CYTH3: variants seen among roughly 807,000 people sequenced by gnomAD.
CYTH3 encodes cytohesin-3.
In CYTH3, 23 loss-of-function variants were observed where a neutral mutation model predicts 55.1. The observed-to-expected ratio is 0.42, with a 90% CI of 0.30 to 0.59. The LOEUF is 0.59. CYTH3 is among the 20% of genes least tolerant of loss of function. The pLI, the probability that CYTH3 is intolerant of heterozygous loss-of-function variation, is 0.20. For synonymous variants in CYTH3, 249 were observed against 194.9 expected (o/e 1.28, Z -2.31); for missense variants, 413 against 524.8 (o/e 0.79, Z 2.08).
At chr7:6,263,561 C>T (rs113112792) in intron 1 of CYTH3, among the ~76,000 whole-genome samples, 2,787 of 152,166 alleles carry the variant, frequency 0.018, 86 homozygotes, top group African/African-American at 0.064. Context: ...TTTGGAAGGC[C>T]GAGGCAGGCG....
At chr7:6,211,819 C>G (rs1018244759) in intron 1 of CYTH3, among the ~76,000 whole-genome samples, 3 of 151,868 alleles carry the variant, frequency 2.0e-5, no homozygotes, top group African/African-American at 7.3e-5. Context: ...CAAAATGTCT[C>G]TACTAAAAAT....
chr7:6,259,815 T>TATA (rs1780295571), intron 1 of CYTH3, among the ~76,000 whole-genome samples: 11 of 26,106 alleles, frequency 4.2e-4, no homozygotes, highest in Non-Finnish European at 5.2e-4. Flanking sequence ...ATATATATAA[T>TATA]ATATATATAT....
chr7:6,195,291 GAC>G (rs1783897685), intron 1 of CYTH3, among the ~76,000 whole-genome samples: 1 of 152,190 alleles, frequency 6.6e-6, no homozygotes, highest in South Asian at 2.1e-4. Context: ...TTTGCAAAAA[GAC>G]ACTATTTTCT....
chr7:6,190,556 CTACTT>C (rs1783777056), intron 1 of CYTH3, 25 bp from the exon 2 acceptor site: 1 of 1,470,434 alleles, frequency 6.8e-7, no homozygotes, highest in South Asian at 1.3e-5. Flanking sequence ...AAATAATTAA[CTACTT>C]TGGAGAACAC....
intron 1 of CYTH3, among the ~76,000 whole-genome samples, chr7:6,220,061 A>G (rs936652190): frequency 1.3e-5 from 2 of 148,578 alleles, no homozygotes; most frequent in African/African-American, 4.9e-5. Context: ...TAATTTTTGT[A>G]TTTTTTTTTT....
intron 4 of CYTH3, among the ~76,000 whole-genome samples, chr7:6,179,549 G>A (rs940945887): frequency 2.6e-5 from 4 of 151,596 alleles, no homozygotes; most frequent in Admixed American, 6.6e-5. Flanking sequence ...TGTATCTGGT[G>A]ATGGTACCCA....
Position 6,272,490 on chromosome 7 carries a change from G to A in CYTH3, c.18C>T (p.Gly6=). The A allele has an allele frequency of 2.2e-6, 3 of 1,358,650 alleles. No individual in the cohort carries two copies. Among genetic ancestry groups the A allele is most frequent in the Non-Finnish European group, 2.9e-6 (3 of 1,045,600 alleles). The allele number at this position is 1,358,650 out of a possible 1,614,324, so 84.2% of individuals were successfully genotyped here. MDEDG[G]GEGGGVPEDL... is the part of the protein sequence containing the mutation. ...GACACTCACCGCCACCACCCTCGCC[G>A]CCGCCGTCTTCATCCATCTTGAGGC... Residue 6 remains glycine (G), a synonymous_variant, in exon 1 of 13, where the codon GGC becomes GGT. Coordinates refer to ENST00000350796, the MANE Select transcript of CYTH3 (RefSeq NM_004227.4).
chr7:6,240,612 T>C (rs546499193), intron 1 of CYTH3, among the ~76,000 whole-genome samples: 28 of 152,284 alleles, frequency 1.8e-4, no homozygotes, highest in Non-Finnish European at 4.0e-4. Flanking sequence ...TAACTGGTGT[T>C]GGGACAATGC....
intron 1 of CYTH3, among the ~76,000 whole-genome samples, chr7:6,193,086 C>T (rs1783841807): frequency 6.6e-6 from 1 of 151,976 alleles, no homozygotes. Flanking sequence ...GCAGGAGAAT[C>T]GCTTGAAACA....
At chr7:6,172,846 G>A in intron 6 of CYTH3, 4 of 1,276,946 alleles carry the variant, frequency 3.1e-6, no homozygotes, top group Non-Finnish European at 4.1e-6. Context: ...TCAGCCCCAG[G>A]CTGCGCTGTG....
chr7:6,257,898 G>C (rs1010170768), intron 1 of CYTH3, among the ~76,000 whole-genome samples: 2 of 152,178 alleles, frequency 1.3e-5, no homozygotes, highest in Non-Finnish European at 2.9e-5. Flanking sequence ...GCACCATCTA[G>C]AATCCCGCTG....
intron 1 of CYTH3, among the ~76,000 whole-genome samples, chr7:6,198,112 G>GA (rs547379573): frequency 4.0e-4 from 52 of 131,626 alleles, no homozygotes; most frequent in Admixed American, 5.2e-4. Context: ...AAAAAAAAAG[G>GA]AAAAAAAAAA....
At position 6,171,080 on chromosome 7, in the gene CYTH3, C is replaced by T. The variant is rs1783175746; in HGVS notation, c.563-102G>A. 8.8e-6 allele frequency: 14 copies of T among 1,585,658 alleles called. No homozygotes were observed. Among genetic ancestry groups the T allele is most frequent in the Admixed American group, 8.5e-5 (5 of 58,604 alleles). The stretch of plus-strand genomic sequence containing the variant: ...TGCAAGAGGTGCCCGGCCCACAGGT[C>T]GTCCTCGCTCAGGGAAGGCAGGTCC... On this transcript the variant is annotated intron_variant, in intron 7 of 12. Coordinates refer to ENST00000350796, the MANE Select transcript of CYTH3 (RefSeq NM_004227.4). The surrounding 1 kb of genome is among the most constrained non-coding windows in gnomAD (Gnocchi z 6.7).
intron 1 of CYTH3, among the ~76,000 whole-genome samples, chr7:6,211,964 C>T (rs1353738605): frequency 2.6e-5 from 4 of 151,992 alleles, no homozygotes; most frequent in African/African-American, 9.7e-5. Context: ...CCAGCCTGGG[C>T]GACAGAGTGA....
chr7:6,174,563 T>TTC (rs1216817591), intron 5 of CYTH3, among the ~76,000 whole-genome samples: 1 of 147,416 alleles, frequency 6.8e-6, no homozygotes, highest in Non-Finnish European at 1.5e-5. Flanking sequence ...TTTTTTTTTT[T>TTC]TCCAGACAGA....
At position 6,164,867 on chromosome 7, in the gene CYTH3, G is replaced by A. The variant is rs906334155; in HGVS notation, c.*77C>T. 10 of 1,517,404 alleles carry A rather than the reference G, an allele frequency of 6.6e-6. No individual in the cohort carries two copies. The highest frequency in any genetic ancestry group is 2.3e-5 in the East Asian group (1 of 44,362). The allele number at this position is 1,517,404 out of a possible 1,614,324, so 94.0% of individuals were successfully genotyped here. A position where few individuals can be genotyped will look rare whatever the true frequency, so the allele number is the denominator to read the frequency against. On this transcript the variant is annotated 3_prime_UTR_variant, in exon 13 of 13. Coordinates refer to ENST00000350796, the MANE Select transcript of CYTH3 (RefSeq NM_004227.4). ...CGCAGGGCGACTGCCTCCCTGCCACGCCTTCCGCGGAGGGGCCGCCCGCGG... is the reference window on the plus strand; with the variant it reads ...CGCAGGGCGACTGCCTCCCTGCCACACCTTCCGCGGAGGGGCCGCCCGCGG...
At chr7:6,221,624 G>C (rs117767406) in intron 1 of CYTH3, among the ~76,000 whole-genome samples, 7,701 of 152,270 alleles carry the variant, frequency 0.051, 293 homozygotes, top group Non-Finnish European at 0.077. Flanking sequence ...GTGAGGAAAT[G>C]AGTGAAGGGC....
intron 1 of CYTH3, among the ~76,000 whole-genome samples, chr7:6,231,621 A>G (rs1181086431): frequency 6.6e-6 from 1 of 152,252 alleles, no homozygotes; most frequent in Non-Finnish European, 1.5e-5. Flanking sequence ...ACAATAAGAA[A>G]TAACAGCTAC....
At chr7:6,228,600 CA>C (rs1160553036) in intron 1 of CYTH3, among the ~76,000 whole-genome samples, 2 of 152,118 alleles carry the variant, frequency 1.3e-5, no homozygotes, top group Admixed American at 1.3e-4. Flanking sequence ...GTAGAGGAAG[CA>C]AAAGAACTTC....
Sources: gnomAD v4.1 joint callset for allele counts (sites outside exome capture counted in the v4.1 genomes callset) on GRCh38, gnomAD v4.1.1 for gene constraint, Gnocchi (gnomAD v3.1) non-coding constraint, MANE v1.5 for transcripts, NCBI Gene and HGNC (gene_info 2026-07-23, HGNC 2026-07-21) for gene names.